The following ANLN variants were observed in gnomAD, a reference collection of about 807,000 sequenced individuals.
ANLN encodes anillin, actin binding protein, also known as anillin.
ANLN carries 59 observed loss-of-function variants against 135.1 expected under a neutral mutation model. The observed-to-expected ratio is 0.44, with a 90% CI of 0.35 to 0.54. The LOEUF is 0.54. ANLN is among the 20% of genes least tolerant of loss of function. ANLN has a pLI of 0.00. For missense variants in ANLN, 1,182 were observed against 1,340.0 expected, an observed-to-expected ratio of 0.88 and a Z score of 1.84; for synonymous variants, 406 against 456.4, an observed-to-expected ratio of 0.89 and a Z score of 1.41.
Position 36,452,783 on chromosome 7 carries a change from C to A in ANLN, c.*183C>A. ...AAAACTTTAACTGATTTCTGTCATT[C>A]ATCAATGAGTAGAAGTAAATACATT... On this transcript the variant is annotated 3_prime_UTR_variant, in exon 24 of 24. Transcript: ENST00000265748. 1 of 568,268 alleles carries A rather than the reference C, an allele frequency of 1.8e-6. No individual in the cohort carries two copies. Among genetic ancestry groups the A allele is most frequent in the Non-Finnish European group, 2.9e-6 (1 of 343,072 alleles). The allele number at this position is 568,268 out of a possible 1,614,324, so 35.2% of individuals were successfully genotyped here.
intron 1 of ANLN, among the ~76,000 whole-genome samples, chr7:36,391,962 G>A (rs1583584643): frequency 2.8e-5 from 4 of 142,428 alleles, no homozygotes; most frequent in Admixed American, 2.8e-4. Context: ...TTTTTAAGAC[G>A]GAGTCTCGCA....
chr7:36,411,542 T>C (rs1221691117), intron 7 of ANLN, among the ~76,000 whole-genome samples: 1 of 152,258 alleles, frequency 6.6e-6, no homozygotes, highest in African/African-American at 2.4e-5. Context: ...TTAGACTATC[T>C]GGGATCCTTT....
Position 36,415,862 on chromosome 7 carries a change from A to T in ANLN, c.1500A>T (p.Lys500Asn). 6.2e-7 allele frequency: 1 copy of T among 1,602,186 alleles called. No homozygotes were observed. Among genetic ancestry groups the T allele is most frequent in the Non-Finnish European group, 8.5e-7 (1 of 1,176,010 alleles). Residue 500 changes from lysine to asparagine, a missense_variant, in exon 8 of 24, where the codon AAA becomes AAT. Coordinates refer to ENST00000265748, the MANE Select transcript of ANLN (RefSeq NM_018685.5). ...EKVTENQIPAKNSSTEPKGFT... is the reference protein window; with the variant it reads ...EKVTENQIPANNSSTEPKGFT... ...TGACCGAAAACCAGATACCAGCCAA[A>T]AATTCTAGTACAGAACCTAAAGGTC...
At chr7:36,412,184 C>G (rs1045248597) in intron 7 of ANLN, among the ~76,000 whole-genome samples, 21 of 151,424 alleles carry the variant, frequency 1.4e-4, no homozygotes, top group Admixed American at 5.9e-4. Flanking sequence ...ATCTGTCACC[C>G]ACCTGCCTCG....
intron 10 of ANLN, among the ~76,000 whole-genome samples, chr7:36,419,794 G>A (rs1787796763): frequency 6.6e-6 from 1 of 152,118 alleles, no homozygotes; most frequent in Non-Finnish European, 1.5e-5. Flanking sequence ...GTTAAACGAG[G>A]TTATTAATAA....
chr7:36,392,552 G>T (rs1786523343), intron 1 of ANLN, among the ~76,000 whole-genome samples: 1 of 149,186 alleles, frequency 6.7e-6, no homozygotes, highest in Non-Finnish European at 1.5e-5. Flanking sequence ...TTTGAGAAAG[G>T]TGTGATATTT....
Position 36,415,704 on chromosome 7 carries a change from G to T in ANLN, c.1396-54G>T, listed in dbSNP as rs538836520. The T allele has an allele frequency of 1.7e-4, 255 of 1,492,726 alleles. 2 individuals are homozygous for T. In the East Asian group the frequency reaches 5.8e-3, roughly 34 times the overall value. The allele number at this position is 1,492,726 out of a possible 1,614,324, so 92.5% of individuals were successfully genotyped here. A position where few individuals can be genotyped will look rare whatever the true frequency, so the allele number is the denominator to read the frequency against. ...CTTGTTTCATTTAATAACATAGAAA[G>T]ATAAAATATATAGTTTTGAGAAATA... On this transcript the variant is annotated intron_variant, in intron 7 of 23. Coordinates refer to ENST00000265748, the MANE Select transcript of ANLN (RefSeq NM_018685.5).
intron 3 of ANLN, among the ~76,000 whole-genome samples, chr7:36,405,935 A>G (rs565773603): frequency 2.0e-5 from 3 of 152,208 alleles, no homozygotes; most frequent in East Asian, 1.9e-4. Flanking sequence ...TATCTTATTC[A>G]TGATCCATTG....
chr7:36,449,917 C>A, intron 23 of ANLN, 80 bp downstream of exon 23: 1 of 1,397,732 alleles, frequency 7.2e-7, no homozygotes. Flanking sequence ...AGAAATATCA[C>A]AGATGGTCCT....
Position 36,443,793 on chromosome 7 carries a change from T to A in ANLN, c.3009T>A (p.His1003Gln), listed in dbSNP as rs1215736568. 1 of 1,613,066 alleles carries A rather than the reference T, an allele frequency of 6.2e-7. No individual in the cohort carries two copies. The highest frequency in any genetic ancestry group is 8.5e-7 in the Non-Finnish European group (1 of 1,179,446). Residue 1003 changes from histidine to glutamine, a missense_variant, in exon 22 of 24, where the codon CAT (histidine) becomes CAA (glutamine). Transcript: ENST00000265748. ...FEDVSGFGAW[H>Q]RRWCVLSGNC... The stretch of plus-strand genomic sequence containing the variant: ...ATGTTAGTGGTTTTGGTGCCTGGCA[T>A]CGAAGATGGTGTGTTCTTTCTGGAA...
intron 20 of ANLN, among the ~76,000 whole-genome samples, chr7:36,435,758 A>C (rs1290076372): frequency 8.7e-5 from 13 of 149,524 alleles, no homozygotes; most frequent in African/African-American, 3.2e-4. Flanking sequence ...CTGTAGTCCC[A>C]GCTACTCGGG....
Position 36,428,444 on chromosome 7 carries a change from C to CT in ANLN, c.2883+1417dup. On this transcript the variant is annotated intron_variant, in intron 20 of 23. Transcript: ENST00000265748. ...GATCTACATATATTTGTTTTACTAACTATCTTTTTGTTTACTTTGAATAAT... is the reference window on the plus strand; with the variant it reads ...GATCTACATATATTTGTTTTACTAACTTATCTTTTTGTTTACTTTGAATAAT... The CT allele has an allele frequency of 8.3e-6, 6 of 725,662 alleles. No individual in the cohort carries two copies. In the South Asian group the frequency reaches 1.0e-4, roughly 12 times the overall value. 45.0% of individuals were successfully genotyped at this position (725,662 alleles called of 1,614,324 possible).
intron 21 of ANLN, among the ~76,000 whole-genome samples, chr7:36,439,715 A>C (rs1308222426): frequency 6.6e-6 from 1 of 152,210 alleles, no homozygotes; most frequent in Non-Finnish European, 1.5e-5. Flanking sequence ...CAGTGGCTTG[A>C]AGGGCCCTTC....
chr7:36,425,663 T>A, intron 17 of ANLN, 39 bp from the exon 18 acceptor site: 1 of 1,462,674 alleles, frequency 6.8e-7, no homozygotes, highest in Non-Finnish European at 9.5e-7. Flanking sequence ...ACATAATGTT[T>A]AATAAGAAAT....
intron 17 of ANLN, 72 bp from the exon 18 acceptor site, chr7:36,425,630 G>A: frequency 8.4e-7 from 1 of 1,191,368 alleles, no homozygotes; most frequent in South Asian, 1.3e-5. Context: ...ATTTCTCAAG[G>A]TTGGATAGTT....
At chr7:36,423,784 G>C in intron 14 of ANLN, 33 bp from the exon 15 acceptor site, 1 of 1,578,442 alleles carries the variant, frequency 6.3e-7, no homozygotes, top group South Asian at 1.2e-5. Flanking sequence ...GATTTTGCTT[G>C]TGCTTACTAT....
chr7:36,439,436 G>A (rs1191388832), intron 21 of ANLN, 146 bp downstream of exon 21: 5 of 577,948 alleles, frequency 8.7e-6, no homozygotes, highest in Non-Finnish European at 1.5e-5. Flanking sequence ...GCCAATCACT[G>A]TGCTGCCATT....
At chr7:36,427,243 C>A (rs1260258673) in intron 20 of ANLN, among the ~76,000 whole-genome samples, 1 of 144,568 alleles carries the variant, frequency 6.9e-6, no homozygotes, top group Non-Finnish European at 1.5e-5. Context: ...GTTAGAACTT[C>A]AGTGGATGCT....
intron 5 of ANLN, among the ~76,000 whole-genome samples, chr7:36,408,652 C>G (rs895499224): frequency 6.6e-6 from 1 of 152,176 alleles, no homozygotes; most frequent in African/African-American, 2.4e-5. Flanking sequence ...CCCTACTGAT[C>G]TATCAAACAC....
Sources: gnomAD v4.1 joint callset for allele counts (sites outside exome capture counted in the v4.1 genomes callset) on GRCh38, gnomAD v4.1.1 for gene constraint, MANE v1.5 for transcripts, NCBI Gene and HGNC (gene_info 2026-07-23, HGNC 2026-07-21) for gene names.